Variants in CACNA2D3 observed in about 807,000 individuals in gnomAD.
CACNA2D3 encodes the protein voltage-dependent calcium channel subunit alpha-2/delta-3.
CACNA2D3 carries 60 observed loss-of-function variants against 160.6 expected under a neutral mutation model. The observed-to-expected ratio is 0.37, with a 90% CI of 0.30 to 0.46. The LOEUF (loss-of-function observed/expected upper bound fraction) is 0.46. Ranked by LOEUF, CACNA2D3 falls within the 20% of genes least tolerant of loss-of-function variation. CACNA2D3 has a pLI of 1.00. For synonymous variants in CACNA2D3, 558 were observed against 492.9 expected (o/e 1.13, Z -1.75); for missense variants, 1,205 against 1,365.0 (o/e 0.88, Z 1.85).
intron 5 of CACNA2D3, among the ~76,000 whole-genome samples, chr3:54,536,167 T>C (rs1329874828): frequency 3.9e-5 from 6 of 152,142 alleles, no homozygotes; most frequent in South Asian, 2.1e-4. Context: ...TCCTATGATA[T>C]AGAGCTAGTG....
intron 3 of CACNA2D3, among the ~76,000 whole-genome samples, chr3:54,337,490 T>G (rs1704411380): frequency 6.6e-6 from 1 of 152,312 alleles, no homozygotes. Context: ...TTTAACATCC[T>G]TATTAATACC....
At position 54,376,877 on chromosome 3, in the gene CACNA2D3, T is replaced by G. The variant is rs114000246; in HGVS notation, c.322-9838T>G. 7.6e-3 allele frequency among the ~76,000 whole-genome samples: 1,161 copies of G among 152,242 alleles called. 4 individuals are homozygous for G. Among genetic ancestry groups the G allele is most frequent in the Non-Finnish European group, 0.012 (830 of 68,022 alleles). Reference sequence around the variant, plus strand: ...CCAAACTGAAGTTGCCTGGTAAACATTTGGTTGGATAGTTGGAAGGAAAGA... The same window carrying G: ...CCAAACTGAAGTTGCCTGGTAAACAGTTGGTTGGATAGTTGGAAGGAAAGA... On this transcript the variant is annotated intron_variant, in intron 3 of 37. Transcript: ENST00000474759.
chr3:55,070,984 G>A, intron 35 of CACNA2D3, among the ~76,000 whole-genome samples: 1 of 152,068 alleles, frequency 6.6e-6, no homozygotes, highest in Non-Finnish European at 1.5e-5. Context: ...ATTTTTAACA[G>A]ATCATGCTTT....
intron 5 of CACNA2D3, among the ~76,000 whole-genome samples, chr3:54,518,115 G>A (rs1340310333): frequency 2.0e-5 from 3 of 152,136 alleles, no homozygotes; most frequent in Admixed American, 1.3e-4. Context: ...ATTAAAACAG[G>A]GCTGGGGATG....
chr3:54,764,202 C>A lies in CACNA2D3; in HGVS notation c.1247-16C>A. 6.2e-7 allele frequency: 1 copy of A among 1,613,410 alleles called. No individual in the cohort carries two copies. The highest frequency in any genetic ancestry group is 8.5e-7 in the Non-Finnish European group (1 of 1,179,576). ...CTGTCTGTTACTAAACTTGGCCCTC[C>A]CTTGGGTTTTGACAGGATTTTTTAC... On this transcript the variant is annotated splice_polypyrimidine_tract_variant and intron_variant, in intron 12 of 37. Transcript: ENST00000474759.
At chr3:54,755,901 A>G (rs1701960897) in intron 12 of CACNA2D3, among the ~76,000 whole-genome samples, 1 of 152,028 alleles carries the variant, frequency 6.6e-6, no homozygotes. Context: ...GTCATGGGTT[A>G]TTGTTTTTAC....
intron 11 of CACNA2D3, among the ~76,000 whole-genome samples, chr3:54,741,774 A>G (rs184627098): frequency 2.0e-5 from 3 of 151,814 alleles, no homozygotes; most frequent in African/African-American, 7.2e-5. Context: ...TTTACAATAA[A>G]CCTTGATAGC....
intron 17 of CACNA2D3, among the ~76,000 whole-genome samples, chr3:54,859,719 A>T (rs550141105): frequency 3.9e-5 from 6 of 152,198 alleles, no homozygotes; most frequent in African/African-American, 1.4e-4. Flanking sequence ...CGGACCTACC[A>T]GCTCCAACCT....
At chr3:54,481,266 T>C (rs1404460320) in intron 4 of CACNA2D3, among the ~76,000 whole-genome samples, 1 of 152,234 alleles carries the variant, frequency 6.6e-6, no homozygotes, top group Admixed American at 6.5e-5. Context: ...TCAGCTTTCC[T>C]CAAACCTTCA....
At chr3:54,315,485 A>T (rs1024948803) in intron 2 of CACNA2D3, among the ~76,000 whole-genome samples, 4 of 152,230 alleles carry the variant, frequency 2.6e-5, no homozygotes, top group African/African-American at 9.6e-5. Flanking sequence ...TTTTTATGGT[A>T]GTAAAATGGG....
At chr3:54,264,888 T>C (rs4257584) in intron 2 of CACNA2D3, among the ~76,000 whole-genome samples, 20,806 of 152,184 alleles carry the variant, frequency 0.14, 1,697 homozygotes, top group East Asian at 0.33. Flanking sequence ...TCCAGCTTCA[T>C]CCATGTCCCT....
intron 9 of CACNA2D3, chr3:54,626,363 G>A (rs899823830): frequency 7.7e-6 from 12 of 1,560,448 alleles, no homozygotes; most frequent in South Asian, 7.1e-5. Flanking sequence ...GGCCTGCGGC[G>A]GAAGCAGCAC....
chr3:54,742,205 G>A (rs1375769660), intron 11 of CACNA2D3, among the ~76,000 whole-genome samples: 1 of 152,056 alleles, frequency 6.6e-6, no homozygotes, highest in Non-Finnish European at 1.5e-5. Context: ...GATCACATGA[G>A]CCCAGGAGTT....
chr3:54,734,405 A>G (rs934364918), intron 11 of CACNA2D3, among the ~76,000 whole-genome samples: 3 of 152,178 alleles, frequency 2.0e-5, no homozygotes, highest in African/African-American at 7.2e-5. Flanking sequence ...TTCACAGGAA[A>G]GCTCTCAGGA....
chr3:54,260,104 A>T (rs1339662395), intron 2 of CACNA2D3, among the ~76,000 whole-genome samples: 2 of 152,178 alleles, frequency 1.3e-5, no homozygotes, highest in Admixed American at 6.6e-5. Context: ...ATGGAACAAG[A>T]TGTGACAAAT....
chr3:54,442,712 C>T (rs1700163225), intron 4 of CACNA2D3, among the ~76,000 whole-genome samples: 1 of 152,148 alleles, frequency 6.6e-6, no homozygotes, highest in African/African-American at 2.4e-5. Context: ...CAGTAGTTCC[C>T]TAAGTCAGCC....
At chr3:54,979,417 A>G (rs367794180) in intron 29 of CACNA2D3, among the ~76,000 whole-genome samples, 3 of 152,244 alleles carry the variant, frequency 2.0e-5, no homozygotes, top group Non-Finnish European at 4.4e-5. Flanking sequence ...GCAAATAACT[A>G]TATTGCCATA....
At chr3:54,330,984 G>A (rs1704237829) in intron 3 of CACNA2D3, among the ~76,000 whole-genome samples, 1 of 152,172 alleles carries the variant, frequency 6.6e-6, no homozygotes, top group Admixed American at 6.5e-5. Flanking sequence ...CAGTACACAT[G>A]TGTTTATAAT....
intron 13 of CACNA2D3, among the ~76,000 whole-genome samples, chr3:54,783,195 A>G (rs1468574657): frequency 6.6e-6 from 1 of 152,142 alleles, no homozygotes; most frequent in African/African-American, 2.4e-5. Context: ...AGGAACTGCC[A>G]AAGTCTTTAG....
Sources: gnomAD v4.1 joint callset for allele counts (sites outside exome capture counted in the v4.1 genomes callset) on GRCh38, gnomAD v4.1.1 for gene constraint, MANE v1.5 for transcripts, NCBI Gene and HGNC (gene_info 2026-07-23, HGNC 2026-07-21) for gene names.